The following IPO11 variants were observed in gnomAD, a reference collection of about 807,000 sequenced individuals.
IPO11 encodes importin 11, also known as importin-11.
A neutral mutation model predicts 143.2 loss-of-function variants in IPO11; 66 were observed. That is an observed-to-expected ratio of 0.46 (90% CI 0.38 to 0.57). The LOEUF is 0.57. Among genes scored for constraint, IPO11 ranks in the 20% least tolerant of loss-of-function variants. The pLI is 0.00. For synonymous variants in IPO11, 385 were observed against 377.8 expected, an observed-to-expected ratio of 1.02 and a Z score of -0.22; for missense variants, 1,026 against 1,141.0, an observed-to-expected ratio of 0.90 and a Z score of 1.45.
chr5:62,426,394 GACAA>G (rs2067257), intron 1 of IPO11, among the ~76,000 whole-genome samples: 9,272 of 152,036 alleles, frequency 0.061, 393 homozygotes, highest in East Asian at 0.14. Context: ...TCTCAAAACA[GACAA>G]ACAAACAAAC....
chr5:62,539,921 T>C (rs1742870049), intron 24 of IPO11, among the ~76,000 whole-genome samples: 1 of 152,224 alleles, frequency 6.6e-6, no homozygotes, highest in Admixed American at 6.5e-5. Flanking sequence ...ATTCTGACTA[T>C]TTGAGGAAAA....
intron 26 of IPO11, among the ~76,000 whole-genome samples, chr5:62,558,264 CAGG>C (rs1252778860): frequency 2.6e-5 from 4 of 152,088 alleles, no homozygotes; most frequent in Non-Finnish European, 5.9e-5. Flanking sequence ...TTTGAATCTG[CAGG>C]AGTACAGTGA....
intron 24 of IPO11, among the ~76,000 whole-genome samples, chr5:62,539,613 C>T (rs1742859973): frequency 6.6e-6 from 1 of 152,168 alleles, no homozygotes; most frequent in African/African-American, 2.4e-5. Context: ...GTGCTTGTGG[C>T]TTGTTGAGAC....
chr5:62,433,231 C>G (rs548398342), intron 1 of IPO11, among the ~76,000 whole-genome samples: 2 of 151,700 alleles, frequency 1.3e-5, no homozygotes, highest in Admixed American at 1.3e-4. Flanking sequence ...GTGAAATGCC[C>G]TAAAACTAAT....
intron 19 of IPO11, among the ~76,000 whole-genome samples, chr5:62,507,595 A>G (rs941214590): frequency 5.3e-5 from 8 of 152,190 alleles, no homozygotes; most frequent in African/African-American, 1.9e-4. Context: ...ACATCTCCAA[A>G]ATGCTTCAGG....
chr5:62,612,518 A>G (rs957913706), intron 29 of IPO11, among the ~76,000 whole-genome samples: 1 of 152,354 alleles, frequency 6.6e-6, no homozygotes, highest in African/African-American at 2.4e-5. Flanking sequence ...AGATACGAGA[A>G]TCCGGCTTTC....
At chr5:62,580,963 A>T in intron 27 of IPO11, 1 of 1,551,198 alleles carries the variant, frequency 6.4e-7, no homozygotes. Flanking sequence ...TGCTGCTTCA[A>T]TGTCAGGGAA....
At position 62,551,775 on chromosome 5, in the gene IPO11, G is replaced by T. The variant is rs143339644; in HGVS notation, c.2460+439G>T. ...TAGCAAAGGTTTATTTTTAAAAATTGTAGTTGATATCTGTTACCAGAGTAA... is the reference window on the plus strand; with the variant it reads ...TAGCAAAGGTTTATTTTTAAAAATTTTAGTTGATATCTGTTACCAGAGTAA... On this transcript the variant is annotated intron_variant, in intron 26 of 29. Coordinates refer to ENST00000325324, the MANE Select transcript of IPO11 (RefSeq NM_016338.5). Among the ~76,000 whole-genome samples the T allele has an allele frequency of 2.5e-3, 388 of 152,244 alleles. 1 individual carries two copies. Among genetic ancestry groups the T allele is most frequent in the Non-Finnish European group, 4.2e-3 (287 of 68,016 alleles).
At chr5:62,459,783 T>C (rs969267084) in intron 5 of IPO11, among the ~76,000 whole-genome samples, 2 of 152,186 alleles carry the variant, frequency 1.3e-5, no homozygotes, top group African/African-American at 4.8e-5. Flanking sequence ...ACTCCTGAGC[T>C]TATGGTCTGC....
At chr5:62,590,028 C>G (rs987111223) in intron 27 of IPO11, among the ~76,000 whole-genome samples, 1 of 152,266 alleles carries the variant, frequency 6.6e-6, no homozygotes, top group Non-Finnish European at 1.5e-5. Flanking sequence ...GGAGCACTGC[C>G]TTCTGGGTTT....
chr5:62,475,942 C>T (rs1019922022), intron 8 of IPO11, among the ~76,000 whole-genome samples: 2 of 152,194 alleles, frequency 1.3e-5, no homozygotes, highest in African/African-American at 4.8e-5. Context: ...GATTTGCTCT[C>T]CTGAGAAGAT....
At chr5:62,470,169 T>C in intron 6 of IPO11, 81 bp from the exon 7 acceptor site, 1 of 1,336,584 alleles carries the variant, frequency 7.5e-7, no homozygotes. Context: ...TGATTAAGTT[T>C]TGCAATTCTG....
chr5:62,550,065 G>T (rs1271356063), intron 24 of IPO11, among the ~76,000 whole-genome samples: 2 of 152,142 alleles, frequency 1.3e-5, no homozygotes, highest in African/African-American at 2.4e-5. Context: ...TGTTTACATT[G>T]CAAGGGTAAG....
chr5:62,483,954 C>G, intron 10 of IPO11, 56 bp from the exon 11 acceptor site: 1 of 1,388,576 alleles, frequency 7.2e-7, no homozygotes, highest in South Asian at 1.3e-5. Context: ...GTTACATAAT[C>G]CAATGTAGCT....
intron 1 of IPO11, among the ~76,000 whole-genome samples, chr5:62,423,680 T>C (rs1743596599): frequency 6.6e-6 from 1 of 152,216 alleles, no homozygotes; most frequent in South Asian, 2.1e-4. Context: ...ACCTCCCACA[T>C]ACTTCTCTAG....
At chr5:62,415,076 G>A (rs1178222057) in intron 1 of IPO11, among the ~76,000 whole-genome samples, 1 of 152,132 alleles carries the variant, frequency 6.6e-6, no homozygotes, top group Non-Finnish European at 1.5e-5. Flanking sequence ...AATAACAAAC[G>A]TCTATTGGGT....
chr5:62,589,462 A>G (rs1460490893), intron 27 of IPO11, among the ~76,000 whole-genome samples: 1 of 152,126 alleles, frequency 6.6e-6, no homozygotes, highest in Admixed American at 6.6e-5. Flanking sequence ...ATGAAACCCA[A>G]CAGTCATCCT....
intron 24 of IPO11, among the ~76,000 whole-genome samples, chr5:62,545,850 C>A (rs1020676013): frequency 2.6e-5 from 4 of 152,176 alleles, no homozygotes; most frequent in African/African-American, 7.2e-5. Flanking sequence ...TGAAAAAATG[C>A]CCATCATCAC....
rs1744397598 is a variant in IPO11, at chr5:62,439,804, C to G, written c.138+2387C>G. 2.0e-5 allele frequency among the ~76,000 whole-genome samples: 3 copies of G among 152,226 alleles called. No homozygotes were observed. The South Asian group carries it at 6.2e-4, about 32-fold the overall frequency. On this transcript the variant is annotated intron_variant, in intron 2 of 29. Transcript: ENST00000325324. ...CTGTGTTTTAGTCTTCCTTTTTCCC[C>G]TATACTCGCTATCTAGGTACATTTG...
Sources: gnomAD v4.1 joint callset for allele counts (sites outside exome capture counted in the v4.1 genomes callset) on GRCh38, gnomAD v4.1.1 for gene constraint, MANE v1.5 for transcripts, NCBI Gene and HGNC (gene_info 2026-07-23, HGNC 2026-07-21) for gene names.